FARS2: variants seen among roughly 807,000 people sequenced by gnomAD.
FARS2 encodes phenylalanyl-tRNA synthetase 2, mitochondrial, also known as phenylalanine--tRNA ligase, mitochondrial.
A neutral mutation model predicts 46.4 loss-of-function variants in FARS2; 40 were observed. The ratio of observed to expected loss-of-function variants is 0.86; its 90% confidence interval spans 0.67 to 1.12. FARS2 has a LOEUF of 1.12. Among genes scored for constraint, FARS2 ranks in the 50% most tolerant of loss-of-function variants. The probability of loss-of-function intolerance (pLI) is 0.00; values close to 1 mark genes in which losing one functional copy is unlikely to be tolerated. For missense variants in FARS2, 513 were observed against 567.9 expected, an observed-to-expected ratio of 0.90 and a Z score of 0.98; for synonymous variants, 234 against 214.9, an observed-to-expected ratio of 1.09 and a Z score of -0.78.
At chr6:5,592,113 G>A (rs113289779) in intron 5 of FARS2, among the ~76,000 whole-genome samples, 2,901 of 152,204 alleles carry the variant, frequency 0.019, 88 homozygotes, top group African/African-American at 0.063. Flanking sequence ...GGCTGAGCGC[G>A]GTGGCTCACG....
intron 4 of FARS2, among the ~76,000 whole-genome samples, chr6:5,543,460 G>A (rs1355419609): frequency 6.6e-6 from 1 of 151,640 alleles, no homozygotes; most frequent in East Asian, 1.9e-4. Flanking sequence ...CACCTCCCAG[G>A]TTCAAGCAGT....
At chr6:5,496,569 A>C (rs1009946331) in intron 4 of FARS2, among the ~76,000 whole-genome samples, 1 of 152,186 alleles carries the variant, frequency 6.6e-6, no homozygotes, top group African/African-American at 2.4e-5. Flanking sequence ...TCAAAGTGTT[A>C]GTAGGGCTGG....
At chr6:5,385,001 C>T (rs1760026743) in intron 2 of FARS2, among the ~76,000 whole-genome samples, 1 of 152,148 alleles carries the variant, frequency 6.6e-6, no homozygotes, top group African/African-American at 2.4e-5. Flanking sequence ...ATCTCTGTAA[C>T]TTGATTAATT....
At chr6:5,511,377 G>A (rs1201271636) in intron 4 of FARS2, among the ~76,000 whole-genome samples, 1 of 152,204 alleles carries the variant, frequency 6.6e-6, no homozygotes, top group Admixed American at 6.5e-5. Flanking sequence ...ATTTCATTAT[G>A]TTCGTATTAA....
intron 5 of FARS2, among the ~76,000 whole-genome samples, chr6:5,587,850 C>T (rs1773703579): frequency 6.6e-6 from 1 of 152,138 alleles, no homozygotes; most frequent in African/African-American, 2.4e-5. Flanking sequence ...ACACTCTCAT[C>T]TGTAAAAGGG....
chr6:5,341,628 C>T (rs1216155849), intron 1 of FARS2, among the ~76,000 whole-genome samples: 3 of 151,888 alleles, frequency 2.0e-5, no homozygotes, highest in Non-Finnish European at 4.4e-5. Flanking sequence ...AAGCGATTCT[C>T]CTGCCTCAGC....
chr6:5,396,004 A>G (rs1305116324), intron 2 of FARS2, among the ~76,000 whole-genome samples: 4 of 152,192 alleles, frequency 2.6e-5, no homozygotes, highest in Non-Finnish European at 5.9e-5. Context: ...ACATTCTAGT[A>G]TTCTATTAGG....
chr6:5,519,004 A>G (rs1188957957), intron 4 of FARS2, among the ~76,000 whole-genome samples: 1 of 152,204 alleles, frequency 6.6e-6, no homozygotes, highest in East Asian at 1.9e-4. Flanking sequence ...TGCACAAAAT[A>G]GGTGATAATT....
At chr6:5,361,614 A>G (rs1758308514) in intron 1 of FARS2, among the ~76,000 whole-genome samples, 1 of 152,226 alleles carries the variant, frequency 6.6e-6, no homozygotes, top group Admixed American at 6.5e-5. Context: ...TTGGCTTTGT[A>G]TCAGTAGAAG....
chr6:5,287,359 T>G (rs1767193698), intron 1 of FARS2, among the ~76,000 whole-genome samples: 1 of 152,178 alleles, frequency 6.6e-6, no homozygotes, highest in African/African-American at 2.4e-5. Context: ...TATCATCCTG[T>G]TCTAGTGCTC....
intron 1 of FARS2, among the ~76,000 whole-genome samples, chr6:5,341,208 TATATATATATATATATATATATATA>T (rs1341674037): frequency 0.06 from 318 of 5,330 alleles, 20 homozygotes; most frequent in African/African-American, 0.13. Context: ...TATATATATA[TATATATATATATATATATATATATA>T]TATTTTTTTT....
intron 4 of FARS2, among the ~76,000 whole-genome samples, chr6:5,490,672 C>T (rs1258020291): frequency 6.6e-6 from 1 of 152,180 alleles, no homozygotes; most frequent in Non-Finnish European, 1.5e-5. Context: ...TACACTTTAG[C>T]TTTCATCTTG....
At chr6:5,640,630 A>G (rs1776769764) in intron 6 of FARS2, among the ~76,000 whole-genome samples, 1 of 152,230 alleles carries the variant, frequency 6.6e-6, no homozygotes, top group Non-Finnish European at 1.5e-5. Context: ...TTTTGAGCTA[A>G]TTAATCATCT....
chr6:5,624,894 G>A (rs1253017068), intron 6 of FARS2, among the ~76,000 whole-genome samples: 2 of 145,900 alleles, frequency 1.4e-5, no homozygotes, highest in East Asian at 4.2e-4. Flanking sequence ...TTAAACTTGT[G>A]CCCTCCGTTC....
intron 1 of FARS2, among the ~76,000 whole-genome samples, chr6:5,316,026 T>C (rs982546482): frequency 2.0e-5 from 3 of 152,222 alleles, no homozygotes; most frequent in East Asian, 1.9e-4. Context: ...CCGATGCTGA[T>C]CCAGACAGCC....
intron 6 of FARS2, among the ~76,000 whole-genome samples, chr6:5,706,380 T>C (rs1364312283): frequency 6.6e-6 from 1 of 152,170 alleles, no homozygotes; most frequent in African/African-American, 2.4e-5. Flanking sequence ...TTGATCACCA[T>C]CATGATTCTC....
intron 4 of FARS2, among the ~76,000 whole-genome samples, chr6:5,541,606 G>C (rs865819331): frequency 1.3e-5 from 2 of 151,906 alleles, no homozygotes; most frequent in African/African-American, 2.4e-5. Context: ...ATTTTGTTCT[G>C]TATAGGAATA....
intron 4 of FARS2, among the ~76,000 whole-genome samples, chr6:5,479,494 C>T (rs1161530534): frequency 6.6e-6 from 1 of 152,208 alleles, no homozygotes; most frequent in East Asian, 1.9e-4. Context: ...AGATAGTCAT[C>T]TAGTTTTAAC....
chr6:5,610,886 C>T (rs765598182), intron 5 of FARS2, among the ~76,000 whole-genome samples: 13 of 152,194 alleles, frequency 8.5e-5, no homozygotes, highest in African/African-American at 1.4e-4. Context: ...ATGGAGGCAA[C>T]GCTCTGTGTC....
Sources: allele counts gnomAD v4.1 joint callset (sites outside exome capture counted in the v4.1 genomes callset), GRCh38; gene constraint gnomAD v4.1.1; transcripts MANE v1.5; gene names NCBI Gene and HGNC (gene_info 2026-07-23, HGNC 2026-07-21).